Variants in KATNAL1 observed in about 807,000 individuals in gnomAD.
KATNAL1 encodes katanin catalytic subunit A1 like 1, also known as katanin p60 ATPase-containing subunit A-like 1.
A neutral mutation model predicts 55.2 loss-of-function variants in KATNAL1; 32 were observed. The observed-to-expected ratio is 0.58, with a 90% CI of 0.44 to 0.78. The LOEUF (loss-of-function observed/expected upper bound fraction) is 0.78, where lower values mean the gene tolerates loss of function less well. Among genes scored for constraint, KATNAL1 ranks in the 30% least tolerant of loss-of-function variants. KATNAL1 has a pLI of 0.00. For synonymous variants in KATNAL1, 193 were observed against 193.6 expected (o/e 1.00, Z 0.02); for missense variants, 466 against 600.9 (o/e 0.78, Z 2.35).
At chr13:30,296,233 G>A in intron 1 of KATNAL1, 1 of 1,013,562 alleles carries the variant, frequency 9.9e-7, no homozygotes, top group South Asian at 1.6e-5. Flanking sequence ...AAGAGGTGAA[G>A]CTGTCAGACT....
intron 3 of KATNAL1, among the ~76,000 whole-genome samples, chr13:30,269,989 T>C (rs1593919776): frequency 7.1e-6 from 1 of 140,882 alleles, no homozygotes. Flanking sequence ...GAGGAGCCCC[T>C]CTGCCCGGCC....
At chr13:30,270,935 A>G (rs942913063) in intron 3 of KATNAL1, among the ~76,000 whole-genome samples, 4 of 152,174 alleles carry the variant, frequency 2.6e-5, no homozygotes, top group South Asian at 2.1e-4. Context: ...AATAAAAAAA[A>G]AAAAAGAAAA....
chr13:30,233,486 A>G (rs1876316687), intron 6 of KATNAL1, among the ~76,000 whole-genome samples: 1 of 152,060 alleles, frequency 6.6e-6, no homozygotes. Context: ...AAAAAGGGGA[A>G]TGCTCCTATA....
chr13:30,250,876 C>T (rs1445677177), intron 4 of KATNAL1, among the ~76,000 whole-genome samples: 1 of 152,204 alleles, frequency 6.6e-6, no homozygotes, highest in African/African-American at 2.4e-5. Context: ...CAGTGGTTCA[C>T]GCCTGTAATC....
At position 30,296,129 on chromosome 13, in the gene KATNAL1, CA is replaced by C. The variant is rs1395521056; in HGVS notation, c.-15+11201del. 3 of 438,370 alleles carry C rather than the reference CA, an allele frequency of 6.8e-6. No individual in the cohort carries two copies. The East Asian group carries it at 1.3e-4, about 19-fold the overall frequency. 27.2% of individuals were successfully genotyped at this position (438,370 alleles called of 1,614,324 possible). On this transcript the variant is annotated intron_variant, in intron 1 of 10. Transcript: ENST00000380615. ...ATCGTCCGTGCATCTAGCCTTTGCCCACACAGCTTGTTCAGTCATGGCCTCA... is the reference window on the plus strand; with the variant it reads ...ATCGTCCGTGCATCTAGCCTTTGCCCCACAGCTTGTTCAGTCATGGCCTCA...
intron 9 of KATNAL1, among the ~76,000 whole-genome samples, chr13:30,217,493 G>T (rs576544517): frequency 3.5e-4 from 53 of 152,282 alleles, no homozygotes; most frequent in African/African-American, 1.2e-3. Context: ...CTTGTGAAAA[G>T]ATTTAACAAG....
At chr13:30,235,225 C>T (rs1489016205) in intron 6 of KATNAL1, among the ~76,000 whole-genome samples, 2 of 152,222 alleles carry the variant, frequency 1.3e-5, no homozygotes, top group African/African-American at 4.8e-5. Flanking sequence ...GCTCACAGTT[C>T]TGCAGGCTGT....
At chr13:30,225,835 TA>T (rs1315015947) in intron 9 of KATNAL1, among the ~76,000 whole-genome samples, 1 of 151,972 alleles carries the variant, frequency 6.6e-6, no homozygotes, top group Non-Finnish European at 1.5e-5. Flanking sequence ...CATCAAAATT[TA>T]AAATGTCTGC....
At chr13:30,289,529 T>A (rs1882002539) in intron 1 of KATNAL1, among the ~76,000 whole-genome samples, 1 of 152,234 alleles carries the variant, frequency 6.6e-6, no homozygotes, top group African/African-American at 2.4e-5. Context: ...TGTTTTCTCA[T>A]TTTTCTGACC....
At chr13:30,271,019 G>A (rs1186363278) in intron 3 of KATNAL1, among the ~76,000 whole-genome samples, 1 of 152,156 alleles carries the variant, frequency 6.6e-6, no homozygotes, top group Non-Finnish European at 1.5e-5. Context: ...TCAGGGTAGG[G>A]CTTTCTATGT....
rs548599332 is a variant in KATNAL1, at chr13:30,284,923, T to G, written c.-14-1132A>C. Among the ~76,000 whole-genome samples, 13 of 152,304 alleles carry G rather than the reference T, an allele frequency of 8.5e-5. No homozygotes were observed. The South Asian group carries it at 2.7e-3, about 32-fold the overall frequency. On this transcript the variant is annotated intron_variant, in intron 1 of 10. Transcript: ENST00000380615. The stretch of plus-strand genomic sequence containing the variant: ...AGTCCAGAGTTACAGGAGAATGATA[T>G]CCTGAGAAAGTGTCAAAATTGCCTT...
rs1310701717 is a variant in KATNAL1, at chr13:30,300,646, T to G, written c.-15+6685A>C. ...TCAAATTAATGCATCCTGAAGTATG[T>G]TTCAAGCACAATAAATGAACCTACT... is the stretch of plus-strand genomic sequence containing the variant. On this transcript the variant is annotated intron_variant, in intron 1 of 10. Transcript: ENST00000380615. Among the ~76,000 whole-genome samples the G allele has an allele frequency of 2.0e-5, 3 of 152,296 alleles. No individual in the cohort carries two copies. In the East Asian group the frequency reaches 5.8e-4, roughly 29 times the overall value.
intron 6 of KATNAL1, among the ~76,000 whole-genome samples, chr13:30,239,512 T>C (rs1877035969): frequency 6.6e-6 from 1 of 152,176 alleles, no homozygotes; most frequent in Admixed American, 6.5e-5. Context: ...ACGTAATAGT[T>C]CTATTCAAGA....
rs556390776 is a variant in KATNAL1 at position 30,296,601 on chromosome 13, GCT to G, written c.-15+10728_-15+10729del. ...GCCTGTGGGACGCTCATTGGATGAG[GCT>G]CTGCAGCTGGTCCAGACCATCCAGT... On this transcript the variant is annotated intron_variant, in intron 1 of 10. Coordinates refer to ENST00000380615, the MANE Select transcript of KATNAL1 (RefSeq NM_032116.5). The G allele has an allele frequency of 6.5e-5, 47 of 720,646 alleles. No homozygotes were observed. In the African/African-American group the frequency reaches 7.7e-4, roughly 12 times the overall value. The allele number at this position is 720,646 out of a possible 1,614,324, so 44.6% of individuals were successfully genotyped here. A position where few individuals can be genotyped will look rare whatever the true frequency, so the allele number is the denominator to read the frequency against.
At chr13:30,260,458 G>T (rs933019259) in intron 3 of KATNAL1, among the ~76,000 whole-genome samples, 1 of 152,182 alleles carries the variant, frequency 6.6e-6, no homozygotes, top group Non-Finnish European at 1.5e-5. Context: ...AGGCAAAGAA[G>T]TTGAAAACTT....
At chr13:30,218,294 G>A (rs1015533308) in intron 9 of KATNAL1, among the ~76,000 whole-genome samples, 2 of 151,312 alleles carry the variant, frequency 1.3e-5, no homozygotes, top group Admixed American at 6.6e-5. Flanking sequence ...ATAATACCTT[G>A]GTGTTTAGGA....
chr13:30,211,601 G>A (rs1873695463), intron 9 of KATNAL1, among the ~76,000 whole-genome samples: 1 of 151,958 alleles, frequency 6.6e-6, no homozygotes, highest in Non-Finnish European at 1.5e-5. Flanking sequence ...TTACTTTTTG[G>A]TTCATTTTGT....
chr13:30,242,462 T>C (rs1464955281), intron 4 of KATNAL1, among the ~76,000 whole-genome samples: 1 of 152,152 alleles, frequency 6.6e-6, no homozygotes, highest in Admixed American at 6.5e-5. Flanking sequence ...TGAATGAAAA[T>C]ACATTATCTG....
At chr13:30,277,792 G>A (rs981157099) in intron 3 of KATNAL1, among the ~76,000 whole-genome samples, 3 of 151,410 alleles carry the variant, frequency 2.0e-5, no homozygotes, top group Non-Finnish European at 1.5e-5. Flanking sequence ...GACCATCCCG[G>A]CTAAAACGGT....
Sources: gnomAD v4.1 joint callset for allele counts (sites outside exome capture counted in the v4.1 genomes callset) on GRCh38, gnomAD v4.1.1 for gene constraint, MANE v1.5 for transcripts, NCBI Gene and HGNC (gene_info 2026-07-23, HGNC 2026-07-21) for gene names.